Variants in GHRL observed in about 807,000 individuals in gnomAD.
GHRL encodes appetite-regulating hormone.
GHRL carries 24 observed loss-of-function variants against 16.9 expected under a neutral mutation model. The ratio of observed to expected loss-of-function variants is 1.42; its 90% confidence interval spans 1.03 to 2.00. GHRL has a LOEUF of 2.00. GHRL is among the 30% of genes most tolerant of loss of function. The pLI, the probability that GHRL is intolerant of heterozygous loss-of-function variation, is 0.00. For synonymous variants in GHRL, 63 were observed against 58.2 expected, an observed-to-expected ratio of 1.08 and a Z score of -0.37; for missense variants, 193 against 142.1, an observed-to-expected ratio of 1.36 and a Z score of -1.82.
rs186599567 is a variant in GHRL at position 10,286,745 on chromosome 3, A to G, written c.293T>C (p.Leu98Pro). Reference protein sequence around the residue: ...GVQYQQHSQALGKFLQDILWE... With the variant: ...GVQYQQHSQAPGKFLQDILWE... ...GAGGATGTCCTGAAGAAACTTCCCC[A>G]GGGCCTGGCTGTGCTGCTGGTACTG... Residue 98 changes from leucine (L) to proline (P), a missense_variant, in exon 5 of 6, where the codon CTG becomes CCG. Coordinates refer to ENST00000335542, the MANE Select transcript of GHRL (RefSeq NM_016362.5). The G allele has an allele frequency of 3.7e-6, 6 of 1,612,698 alleles. No individual in the cohort carries two copies. The East Asian group carries it at 6.7e-5, about 18-fold the overall frequency.
At chr3:10,290,422 A>G (rs1699821768) in intron 2 of GHRL, 2 of 518,280 alleles carry the variant, frequency 3.9e-6, no homozygotes, top group Non-Finnish European at 3.5e-6. Flanking sequence ...ACCTGGCAGC[A>G]GGACTTGATA....
chr3:10,290,689 C>T (rs1230479263), intron 2 of GHRL, 27 bp downstream of exon 2: 23 of 1,004,370 alleles, frequency 2.3e-5, no homozygotes, highest in East Asian at 9.2e-5. Flanking sequence ...TGTCAGCAAA[C>T]GCACACGGAG....
chr3:10,291,312 T>C lies in GHRL; in HGVS notation c.-626A>G. ...TGTGGGGATAACTTCAGCCAGTGGC[T>C]ATGCTTCAGTCATTTCTGCCAGGTG... On this transcript the variant is annotated 5_prime_UTR_variant, in exon 2 of 6. It adds an upstream start codon to the 5' untranslated region. Transcript: ENST00000335542. The C allele has an allele frequency of 2.0e-6, 2 of 985,532 alleles. No homozygotes were observed. The highest frequency in any genetic ancestry group is 2.4e-6 in the Non-Finnish European group (2 of 829,982). 61.0% of individuals were successfully genotyped at this position (985,532 alleles called of 1,614,324 possible). A position where few individuals can be genotyped will look rare whatever the true frequency, so the allele number is the denominator to read the frequency against.
chr3:10,290,184 C>T lies in GHRL; in HGVS notation c.-4G>A. ...AGACGGTCCCTGGGGAGGGCATGGC[C>T]TCAGCTGGGTTGCAGACAGGTGGGC... On this transcript the variant is annotated 5_prime_UTR_variant, in exon 3 of 6. Coordinates refer to ENST00000335542, the MANE Select transcript of GHRL (RefSeq NM_016362.5). 1 of 1,608,628 alleles carries T rather than the reference C, an allele frequency of 6.2e-7. No homozygotes were observed. The highest frequency in any genetic ancestry group is 1.1e-5 in the South Asian group (1 of 89,988).
chr3:10,290,228 C>T lies in GHRL; in HGVS notation c.-29-19G>A, dbSNP rs111516350. ...GGTGGGCCTGGGGGAGAGAGGGTCTCCAGGCAGCTGCCTCCCCTTCTCATG... is the reference window on the plus strand; with the variant it reads ...GGTGGGCCTGGGGGAGAGAGGGTCTTCAGGCAGCTGCCTCCCCTTCTCATG... On this transcript the variant is annotated intron_variant, in intron 2 of 5. Coordinates refer to ENST00000335542, the MANE Select transcript of GHRL (RefSeq NM_016362.5). 3.2e-6 allele frequency: 5 copies of T among 1,576,346 alleles called. No individual in the cohort carries two copies. The Admixed American group carries it at 9.4e-5, about 30-fold the overall frequency.
chr3:10,287,775 G>A (rs1289486343), intron 4 of GHRL, among the ~76,000 whole-genome samples: 1 of 152,106 alleles, frequency 6.6e-6, no homozygotes, highest in Non-Finnish European at 1.5e-5. Context: ...TGGGGTAGGC[G>A]CTACCACTGT....
rs760055038 is a variant in GHRL at position 10,289,839 on chromosome 3, G to A, written c.148C>T (p.Pro50Ser). Residue 50 changes from proline to serine, a missense_variant, in exon 4 of 6, where the codon CCC becomes TCC. Physicochemically the swap from Pro to Ser is moderately conservative, Grantham distance 74. Transcript: ENST00000335542. ...CGGAGCCAGCCTGCTAGAGCTCGGG[G>A]CTGCAGCTTGGCTGGTGGCTTCTTC... ...ESKKPPAKLQPRALAGWLRPE... is the reference protein window; with the variant it reads ...ESKKPPAKLQSRALAGWLRPE... 3.8e-5 allele frequency: 62 copies of A among 1,613,740 alleles called. No homozygotes were observed. Among genetic ancestry groups the A allele is most frequent in the Non-Finnish European group, 4.2e-5 (50 of 1,179,900 alleles).
At chr3:10,290,358 A>G in intron 2 of GHRL, 149 bp from the exon 3 acceptor site, 2 of 693,636 alleles carry the variant, frequency 2.9e-6, no homozygotes, top group Non-Finnish European at 4.8e-6. Flanking sequence ...CCACCTCCCA[A>G]GGTAGAAGAT....
intron 5 of GHRL, 29 bp downstream of exon 5, chr3:10,286,675 C>T (rs369980704): frequency 6.6e-5 from 84 of 1,265,684 alleles, no homozygotes; most frequent in South Asian, 2.4e-4. Flanking sequence ...GCAAGGAAAC[C>T]GAGCAAACCC....
chr3:10,292,796 A>T, intron 1 of GHRL, 46 bp downstream of exon 1: 2 of 1,162,400 alleles, frequency 1.7e-6, no homozygotes, highest in Non-Finnish European at 2.5e-6. Context: ...GAAAAATCCT[A>T]ACTGTGGTGA....
In GHRL at chr3:10,285,790, A is replaced by C; in HGVS notation, c.*85T>G. The stretch of plus-strand genomic sequence containing the variant: ...TATTCGCCTCCTGAGCTTGTACAAC[A>C]GTCGTGGGAGTTGCTGCAGAAGCAA... On this transcript the variant is annotated 3_prime_UTR_variant, in exon 6 of 6. Transcript: ENST00000335542. The C allele has an allele frequency of 9.8e-7, 1 of 1,015,778 alleles. No individual in the cohort carries two copies. 62.9% of individuals were successfully genotyped at this position (1,015,778 alleles called of 1,614,324 possible). A position where few individuals can be genotyped will look rare whatever the true frequency, so the allele number is the denominator to read the frequency against.
chr3:10,292,765 A>G (rs979273359), intron 1 of GHRL, 77 bp downstream of exon 1: 1 of 366,964 alleles, frequency 2.7e-6, no homozygotes, highest in African/African-American at 2.3e-5. Flanking sequence ...ACCAACCCAT[A>G]AAAAAAAAAA....
Position 10,289,835 on chromosome 3 carries a change from C to G in GHRL, c.152G>C (p.Arg51Pro). The change falls in exon 4 of 6, where the codon CGA becomes CCA. Residue 51 changes from arginine (R) to proline (P), a missense_variant. Arg to Pro is a moderately radical substitution (Grantham distance 103, BLOSUM62 -2). Coordinates refer to ENST00000335542, the MANE Select transcript of GHRL (RefSeq NM_016362.5). ...CGGGCGGAGCCAGCCTGCTAGAGCTCGGGGCTGCAGCTTGGCTGGTGGCTT... is the reference window on the plus strand; with the variant it reads ...CGGGCGGAGCCAGCCTGCTAGAGCTGGGGGCTGCAGCTTGGCTGGTGGCTT... ...SKKPPAKLQP[R>P]ALAGWLRPED... 6.2e-7 allele frequency: 1 copy of G among 1,613,784 alleles called. No homozygotes were observed. Among genetic ancestry groups the G allele is most frequent in the Non-Finnish European group, 8.5e-7 (1 of 1,179,922 alleles).
At chr3:10,292,710 A>AG in intron 1 of GHRL, 132 bp downstream of exon 1, 1 of 637,610 alleles carries the variant, frequency 1.6e-6, no homozygotes. Context: ...GAGGGTGGAG[A>AG]GAGGTCTGTA....
chr3:10,286,027 C>T lies in GHRL; in HGVS notation c.335-133G>A, dbSNP rs114837813. On this transcript the variant is annotated intron_variant, in intron 5 of 5. Coordinates refer to ENST00000335542, the MANE Select transcript of GHRL (RefSeq NM_016362.5). Reference sequence around the variant, plus strand: ...AAGCACTGGCCTTGGAGTCAGAGGGCGGCACTCAAGTGTGGACTGTTGTGC... The same window carrying T: ...AAGCACTGGCCTTGGAGTCAGAGGGTGGCACTCAAGTGTGGACTGTTGTGC... 1,036 of 782,720 alleles carry T rather than the reference C, an allele frequency of 1.3e-3. 10 individuals are homozygous for T. The African/African-American group carries it at 0.015, about 11-fold the overall frequency. 48.5% of individuals were successfully genotyped at this position (782,720 alleles called of 1,614,324 possible).
chr3:10,289,642 T>A, intron 4 of GHRL, 120 bp downstream of exon 4: 1 of 763,170 alleles, frequency 1.3e-6, no homozygotes, highest in Non-Finnish European at 2.4e-6. Flanking sequence ...GGTACTGGTT[T>A]TATAGTTCTG....
In GHRL at chr3:10,291,237, C is replaced by T. The variant is rs183231364; in HGVS notation, c.-551G>A. ...TCTACACCTTCCCGAGGAGGAGTCCCACCTCCCGGTTGAGCAGACTGCTCC... is the reference window on the plus strand; with the variant it reads ...TCTACACCTTCCCGAGGAGGAGTCCTACCTCCCGGTTGAGCAGACTGCTCC... On this transcript the variant is annotated 5_prime_UTR_variant, in exon 2 of 6. Transcript: ENST00000335542. 86 of 985,546 alleles carry T rather than the reference C, an allele frequency of 8.7e-5. No individual in the cohort carries two copies. In the African/African-American group the frequency reaches 1.4e-3, roughly 16 times the overall value. The allele number at this position is 985,546 out of a possible 1,614,324, so 61.1% of individuals were successfully genotyped here.
intron 4 of GHRL, among the ~76,000 whole-genome samples, chr3:10,288,670 C>T (rs767590767): frequency 1.3e-5 from 2 of 152,210 alleles, no homozygotes; most frequent in Non-Finnish European, 2.9e-5. Context: ...AGGATGAAAG[C>T]GAGCAGGGGC....
In GHRL at chr3:10,290,148, C is replaced by G. The variant is rs1461688054; in HGVS notation, c.33G>C (p.Leu11=). MPSPGTVCSL[L]LLGMLWLDLA... is the part of the protein sequence containing the mutation. ...AGTCCAGCCAGAGCATGCCGAGGAG[C>G]AGGAGGCTGCAGACGGTCCCTGGGG... is the stretch of plus-strand genomic sequence containing the variant. Residue 11 remains leucine, a synonymous_variant, in exon 3 of 6, where the codon CTG becomes CTC. Coordinates refer to ENST00000335542, the MANE Select transcript of GHRL (RefSeq NM_016362.5). The G allele has an allele frequency of 1.9e-6, 3 of 1,612,904 alleles. No homozygotes were observed. Among genetic ancestry groups the G allele is most frequent in the African/African-American group, 1.3e-5 (1 of 75,042 alleles).
Sources: allele counts gnomAD v4.1 joint callset (sites outside exome capture counted in the v4.1 genomes callset), GRCh38; gene constraint gnomAD v4.1.1; transcripts MANE v1.5; gene names NCBI Gene and HGNC (gene_info 2026-07-23, HGNC 2026-07-21).